Variants in CA10 observed in about 807,000 individuals in gnomAD.
The protein encoded by CA10 is carbonic anhydrase-related protein 10.
In CA10, 14 loss-of-function variants were observed where a neutral mutation model predicts 44.2. The ratio of observed to expected loss-of-function variants is 0.32; its 90% CI spans 0.21 to 0.50. The LOEUF (loss-of-function observed/expected upper bound fraction) is 0.50, where lower values mean the gene tolerates loss of function less well. Ranked by LOEUF, CA10 falls within the 20% of genes least tolerant of loss-of-function variation. The pLI is 0.99. For synonymous variants in CA10, 159 were observed against 141.6 expected (o/e 1.12, Z -0.87); for missense variants, 350 against 409.7 (o/e 0.85, Z 1.26).
At position 51,881,588 on chromosome 17, in the gene CA10, CCTAT is replaced by C. The variant is rs140317531; in HGVS notation, c.279+49398_279+49401del. On this transcript the variant is annotated intron_variant, in intron 3 of 8. Transcript: ENST00000451037. Reference sequence around the variant, plus strand: ...ATAAAAATCAATATAAAAAAGACAGCCTATCTGATAGAAAAAAAGAACGGGGATA... The same window carrying C: ...ATAAAAATCAATATAAAAAAGACAGCCTGATAGAAAAAAAGAACGGGGATA... 4.2e-3 allele frequency among the ~76,000 whole-genome samples: 644 copies of C among 152,070 alleles called. 10 individuals are homozygous for C. In the East Asian group the frequency reaches 0.054, roughly 13 times the overall value.
intron 4 of CA10, among the ~76,000 whole-genome samples, chr17:51,740,922 T>C (rs1265989415): frequency 6.6e-6 from 1 of 152,250 alleles, no homozygotes. Flanking sequence ...TGTTTTGCTC[T>C]AGTTCTCTCT....
At chr17:51,699,796 C>T (rs1308966875) in intron 4 of CA10, among the ~76,000 whole-genome samples, 1 of 152,086 alleles carries the variant, frequency 6.6e-6, no homozygotes, top group Non-Finnish European at 1.5e-5. Flanking sequence ...AGCTTCATCC[C>T]CATGTGGGTA....
At chr17:51,784,828 A>G (rs1598043604) in intron 3 of CA10, among the ~76,000 whole-genome samples, 1 of 152,190 alleles carries the variant, frequency 6.6e-6, no homozygotes, top group Admixed American at 6.5e-5. Context: ...ATTATTATTG[A>G]CTATGGTCAC....
At chr17:51,871,327 G>T (rs1979800288) in intron 3 of CA10, among the ~76,000 whole-genome samples, 2 of 150,454 alleles carry the variant, frequency 1.3e-5, no homozygotes, top group South Asian at 2.1e-4. Flanking sequence ...CGCCTCCCAG[G>T]TTCAAGCGAT....
At chr17:51,684,364 G>A (rs72832625) in intron 4 of CA10, among the ~76,000 whole-genome samples, 142 of 152,310 alleles carry the variant, frequency 9.3e-4, no homozygotes, top group Non-Finnish European at 1.7e-3. Context: ...GAGCCACTAC[G>A]TTTGTGGTAG....
At chr17:51,670,649 TTCC>T (rs1180009864) in intron 4 of CA10, among the ~76,000 whole-genome samples, 4 of 152,170 alleles carry the variant, frequency 2.6e-5, no homozygotes, top group Admixed American at 1.3e-4. Context: ...TTCCCCAAGT[TTCC>T]AGGTGCTTGT....
intron 3 of CA10, among the ~76,000 whole-genome samples, chr17:51,863,179 A>T (rs192115754): frequency 1.6e-4 from 25 of 152,362 alleles, no homozygotes; most frequent in African/African-American, 5.5e-4. Flanking sequence ...TCACATAAAA[A>T]ATAGTCCAAG....
chr17:51,972,748 T>C (rs1381338433), intron 2 of CA10, among the ~76,000 whole-genome samples: 2 of 151,480 alleles, frequency 1.3e-5, no homozygotes, highest in Admixed American at 1.3e-4. Flanking sequence ...AAAGATTAAA[T>C]TAGTAAGTAA....
chr17:52,068,148 T>C (rs2319645), intron 2 of CA10, among the ~76,000 whole-genome samples: 150,723 of 152,274 alleles, frequency 0.99, 74,611 homozygotes, highest in East Asian at 1. Context: ...CCCCATAATA[T>C]CCACATTTCA....
At chr17:51,929,899 A>G (rs1256888395) in intron 3 of CA10, among the ~76,000 whole-genome samples, 1 of 152,176 alleles carries the variant, frequency 6.6e-6, no homozygotes, top group Admixed American at 6.5e-5. Context: ...GTACACAAAT[A>G]CTGCATAACT....
chr17:51,847,118 G>T (rs1198228086), intron 3 of CA10, among the ~76,000 whole-genome samples: 2 of 152,102 alleles, frequency 1.3e-5, no homozygotes, highest in African/African-American at 4.8e-5. Flanking sequence ...TTTAAATAGA[G>T]GCTGGTAACT....
intron 2 of CA10, among the ~76,000 whole-genome samples, chr17:51,955,725 A>G (rs1345699278): frequency 1.3e-5 from 2 of 152,058 alleles, no homozygotes; most frequent in African/African-American, 4.8e-5. Flanking sequence ...TTGTAAACCA[A>G]TAACAGATCT....
chr17:51,732,527 G>C (rs1216376522), intron 4 of CA10, among the ~76,000 whole-genome samples: 2 of 152,192 alleles, frequency 1.3e-5, no homozygotes, highest in African/African-American at 2.4e-5. Context: ...GATCTGAATA[G>C]AACTGTCTAT....
intron 2 of CA10, among the ~76,000 whole-genome samples, chr17:51,960,790 C>T (rs921471552): frequency 6.6e-6 from 1 of 151,982 alleles, no homozygotes; most frequent in Non-Finnish European, 1.5e-5. Context: ...GAGAGGAAGT[C>T]AAAAGAAACA....
At chr17:51,838,621 C>T (rs992165183) in intron 3 of CA10, among the ~76,000 whole-genome samples, 7 of 152,346 alleles carry the variant, frequency 4.6e-5, no homozygotes, top group African/African-American at 7.2e-5. Flanking sequence ...TTTTATGGAA[C>T]GACTTCATGC....
At chr17:51,849,165 A>ATATATATACATATATG (rs1978638389) in intron 3 of CA10, among the ~76,000 whole-genome samples, 9 of 89,642 alleles carry the variant, frequency 1.0e-4, no homozygotes, top group African/African-American at 4.1e-4. Context: ...ACATATATGT[A>ATATATATACATATATG]TATATATATA....
chr17:51,726,729 A>G (rs1916536929), intron 4 of CA10, among the ~76,000 whole-genome samples: 1 of 152,170 alleles, frequency 6.6e-6, no homozygotes, highest in African/African-American at 2.4e-5. Context: ...AGCATATTCT[A>G]TATATATTCT....
chr17:51,692,615 T>C (rs1376480041), intron 4 of CA10, among the ~76,000 whole-genome samples: 3 of 152,226 alleles, frequency 2.0e-5, no homozygotes, highest in Non-Finnish European at 2.9e-5. Flanking sequence ...CCTTGTCTTG[T>C]TCCAGCTCTC....
intron 3 of CA10, among the ~76,000 whole-genome samples, chr17:51,785,931 C>G (rs1906253600): frequency 6.6e-6 from 1 of 152,194 alleles, no homozygotes; most frequent in Admixed American, 6.5e-5. Flanking sequence ...GTCTTCCAAT[C>G]CATGAACATG....
Sources: allele counts gnomAD v4.1 joint callset (sites outside exome capture counted in the v4.1 genomes callset), GRCh38; gene constraint gnomAD v4.1.1; transcripts MANE v1.5; gene names NCBI Gene and HGNC (gene_info 2026-07-23, HGNC 2026-07-21).